The following CBX5 variants were observed in gnomAD, a reference collection of about 807,000 sequenced individuals.
CBX5 encodes chromobox protein homolog 5.
Under a neutral mutation model 20.7 loss-of-function variants are expected in CBX5, and 7 were observed. The ratio of observed to expected loss-of-function variants is 0.34; its 90% CI spans 0.19 to 0.63. CBX5 has a LOEUF of 0.63. Ranked by LOEUF, CBX5 falls within the 30% of genes least tolerant of loss-of-function variation. The pLI is 0.75. For missense variants in CBX5, 110 were observed against 224.1 expected (o/e 0.49, Z 3.25); for synonymous variants, 78 against 77.0 (o/e 1.01, Z -0.07).
chr12:54,245,448 G>A (rs1434526403), intron 4 of CBX5, among the ~76,000 whole-genome samples: 5 of 152,078 alleles, frequency 3.3e-5, no homozygotes, highest in Non-Finnish European at 7.4e-5. Context: ...TGACATTCCA[G>A]GAGTTCAAGA....
intron 1 of CBX5, among the ~76,000 whole-genome samples, chr12:54,267,677 A>G (rs562238303): frequency 6.6e-6 from 1 of 152,018 alleles, no homozygotes; most frequent in Non-Finnish European, 1.5e-5. Flanking sequence ...ACGCCCGGCT[A>G]ATTTTTTTTG....
At chr12:54,268,004 C>T (rs535212912) in intron 1 of CBX5, among the ~76,000 whole-genome samples, 3 of 152,158 alleles carry the variant, frequency 2.0e-5, no homozygotes, top group African/African-American at 7.2e-5. Context: ...ATTAGTCAGG[C>T]GTGGTGGTGG....
At chr12:54,258,139 T>C (rs1255703866) in intron 1 of CBX5, 3 of 153,412 alleles carry the variant, frequency 2.0e-5, no homozygotes, top group African/African-American at 7.2e-5. Flanking sequence ...ATGAGTTTTC[T>C]GTGCTCTGAG....
At chr12:54,257,749 C>A (rs1592160027) in intron 1 of CBX5, 57 bp from the exon 2 acceptor site, 5 of 1,385,392 alleles carry the variant, frequency 3.6e-6, no homozygotes, top group Non-Finnish European at 5.0e-6. Context: ...AAAACTTTGT[C>A]TTTTCTTGAT....
intron 2 of CBX5, 58 bp from the exon 3 acceptor site, chr12:54,252,285 A>C: frequency 8.1e-7 from 1 of 1,232,396 alleles, no homozygotes; most frequent in Non-Finnish European, 1.1e-6. Context: ...AATGAGGAAA[A>C]AAATCCAATG....
intron 2 of CBX5, among the ~76,000 whole-genome samples, chr12:54,253,441 T>C (rs1277334828): frequency 2.0e-5 from 3 of 151,906 alleles, no homozygotes; most frequent in Non-Finnish European, 1.5e-5. Flanking sequence ...AATAATTTAA[T>C]TGGGCTGGGC....
rs1187011551 is a variant in CBX5, at chr12:54,239,199, T to C, written c.*2556A>G. Reference sequence around the variant, plus strand: ...AGACAGAGTAAAGTCTATTAACAGATGGTAAGTAGTAGATGATACTGGGGT... The same window carrying C: ...AGACAGAGTAAAGTCTATTAACAGACGGTAAGTAGTAGATGATACTGGGGT... On this transcript the variant is annotated 3_prime_UTR_variant, in exon 5 of 5. Transcript: ENST00000209875. The C allele has an allele frequency of 6.6e-6, 1 of 152,136 alleles. No individual in the cohort carries two copies. Among genetic ancestry groups the C allele is most frequent in the South Asian group, 2.1e-4 (1 of 4,820 alleles). The allele number at this position is 152,136 out of a possible 1,614,324, so 9.4% of individuals were successfully genotyped here. A position where few individuals can be genotyped will look rare whatever the true frequency, so the allele number is the denominator to read the frequency against.
chr12:54,275,608 T>C (rs1282304676), intron 1 of CBX5, among the ~76,000 whole-genome samples: 2 of 152,054 alleles, frequency 1.3e-5, no homozygotes, highest in African/African-American at 2.4e-5. Context: ...ACGTATCACA[T>C]TGGAAGTTAG....
At chr12:54,250,140 T>G (rs936528879) in intron 3 of CBX5, among the ~76,000 whole-genome samples, 14 of 151,826 alleles carry the variant, frequency 9.2e-5, no homozygotes, top group Admixed American at 9.2e-4. Context: ...GAAGAATCAC[T>G]TGAACCCAGG....
At chr12:54,248,750 G>A (rs1042326404) in intron 3 of CBX5, among the ~76,000 whole-genome samples, 1 of 152,166 alleles carries the variant, frequency 6.6e-6, no homozygotes, top group African/African-American at 2.4e-5. Context: ...AGGAGCCAGG[G>A]CGAAGAAAAT....
At chr12:54,275,058 A>G (rs1944048137) in intron 1 of CBX5, among the ~76,000 whole-genome samples, 1 of 152,324 alleles carries the variant, frequency 6.6e-6, no homozygotes, top group East Asian at 1.9e-4. Context: ...GAGAATCTCC[A>G]GAATTTCCCT....
intron 3 of CBX5, among the ~76,000 whole-genome samples, chr12:54,247,418 C>T (rs749746410): frequency 9.9e-5 from 15 of 152,186 alleles, no homozygotes; most frequent in Admixed American, 5.2e-4. Context: ...TGTGCTACTC[C>T]GACTCAGGAG....
At chr12:54,243,117 C>G (rs1295828018) in intron 4 of CBX5, among the ~76,000 whole-genome samples, 1 of 151,820 alleles carries the variant, frequency 6.6e-6, no homozygotes, top group African/African-American at 2.4e-5. Flanking sequence ...GAGTGAGACC[C>G]TGTCTCAAAA....
intron 3 of CBX5, among the ~76,000 whole-genome samples, chr12:54,246,800 A>G (rs1943742465): frequency 6.6e-6 from 1 of 150,830 alleles, no homozygotes; most frequent in Non-Finnish European, 1.5e-5. Flanking sequence ...AAAAAAAAAA[A>G]GAAAAGGGGC....
chr12:54,257,659 C>A lies in CBX5; in HGVS notation c.-9G>T. Reference sequence around the variant, plus strand: ...TTGGTTTTCTTTCCCATGTCGCACACCGTTCCACCTGAAAGACTAAGGCCA... The same window carrying A: ...TTGGTTTTCTTTCCCATGTCGCACAACGTTCCACCTGAAAGACTAAGGCCA... On this transcript the variant is annotated 5_prime_UTR_variant, in exon 2 of 5. Transcript: ENST00000209875. The A allele has an allele frequency of 1.2e-6, 2 of 1,614,144 alleles. No homozygotes were observed. The highest frequency in any genetic ancestry group is 1.7e-6 in the Non-Finnish European group (2 of 1,179,994).
intron 3 of CBX5, among the ~76,000 whole-genome samples, chr12:54,249,198 A>G (rs1256097387): frequency 2.0e-5 from 3 of 152,036 alleles, no homozygotes; most frequent in Admixed American, 6.6e-5. Context: ...GTGAAACCCC[A>G]TCTCTACTAA....
intron 1 of CBX5, chr12:54,259,536 C>T (rs1259805857): frequency 1.3e-5 from 2 of 152,688 alleles, no homozygotes; most frequent in Non-Finnish European, 2.9e-5. Flanking sequence ...TTCTTTCCCT[C>T]TGGGCTAACA....
Position 54,241,877 on chromosome 12 carries a change from G to C in CBX5, c.454C>G (p.Leu152Val). Residue 152 changes from leucine (L) to valine (V), a missense_variant, in exon 5 of 5, where the codon CTT (leucine) becomes GTT (valine). Leu to Val is a conservative substitution (Grantham distance 32). This residue lies in a region of CBX5 where 31 missense variants were observed against 84.9 expected (regional missense o/e 0.37). Coordinates refer to ENST00000209875, the MANE Select transcript of CBX5 (RefSeq NM_012117.3). The stretch of plus-strand genomic sequence containing the variant: ...CATTTCACATTAGCTTCTTTTGCAA[G>C]AACCAGGTCAGCTTCATCTGTGTCT... ...WKDTDEADLV[L>V]AKEANVKCPQ... is the part of the protein sequence containing the mutation. 6.2e-7 allele frequency: 1 copy of C among 1,613,530 alleles called. No homozygotes were observed. The highest frequency in any genetic ancestry group is 1.1e-5 in the South Asian group (1 of 90,948).
rs1249041366 is a variant in CBX5, at chr12:54,240,888, C to T, written c.*867G>A. 6.6e-6 allele frequency: 1 copy of T among 151,988 alleles called. No homozygotes were observed. Among genetic ancestry groups the T allele is most frequent in the African/African-American group, 2.4e-5 (1 of 41,360 alleles). 9.4% of individuals were successfully genotyped at this position (151,988 alleles called of 1,614,324 possible). On this transcript the variant is annotated 3_prime_UTR_variant, in exon 5 of 5. Transcript: ENST00000209875. The stretch of plus-strand genomic sequence containing the variant: ...ACTCACACCTACATAAATATACAGT[C>T]TAAATATGAGGAATGGAAAGAAATC...
Sources: allele counts gnomAD v4.1 joint callset (sites outside exome capture counted in the v4.1 genomes callset), GRCh38; gene constraint gnomAD v4.1.1; regional missense constraint gnomAD v4.1.1; transcripts MANE v1.5; gene names NCBI Gene and HGNC (gene_info 2026-07-23, HGNC 2026-07-21).